CNIH3: variants seen among roughly 807,000 people sequenced by gnomAD.
CNIH3 encodes the protein protein cornichon homolog 3.
In CNIH3, 14 loss-of-function variants were observed where a neutral mutation model predicts 24.1. The ratio of observed to expected loss-of-function variants is 0.58; its 90% CI spans 0.38 to 0.91. The LOEUF (loss-of-function observed/expected upper bound fraction) is 0.91, where lower values mean the gene tolerates loss of function less well. Among genes scored for constraint, CNIH3 ranks in the 40% least tolerant of loss-of-function variants. The pLI is 0.00. For missense variants in CNIH3, 178 were observed against 196.8 expected (o/e 0.90, Z 0.57); for synonymous variants, 68 against 73.8 (o/e 0.92, Z 0.40).
At chr1:224,694,662 C>A (rs186652226) in intron 3 of CNIH3, among the ~76,000 whole-genome samples, 1 of 152,042 alleles carries the variant, frequency 6.6e-6, no homozygotes, top group Non-Finnish European at 1.5e-5. Context: ...TTTGTAATTG[C>A]AAAATTATGG....
At chr1:224,648,793 A>C (rs897254761) in intron 1 of CNIH3, among the ~76,000 whole-genome samples, 8 of 152,296 alleles carry the variant, frequency 5.3e-5, no homozygotes, top group African/African-American at 1.9e-4. Flanking sequence ...TCTAGTCTGC[A>C]GTCAGATTAG....
Position 224,684,938 on chromosome 1 carries a change from C to T in CNIH3, c.198+95C>T. ...CTAGTGAGGCTCTGCCTGCTCCAGTCCTGTCCACCAGGGAGGCAAATGGTG... is the reference window on the plus strand; with the variant it reads ...CTAGTGAGGCTCTGCCTGCTCCAGTTCTGTCCACCAGGGAGGCAAATGGTG... On this transcript the variant is annotated intron_variant, in intron 3 of 5. Coordinates refer to ENST00000272133, the MANE Select transcript of CNIH3 (RefSeq NM_152495.2). The surrounding 1 kb of genome is among the most constrained non-coding windows in gnomAD (Gnocchi z 4.2). The T allele has an allele frequency of 1.6e-6, 2 of 1,216,120 alleles. No homozygotes were observed. Among genetic ancestry groups the T allele is most frequent in the South Asian group, 2.4e-5 (2 of 82,780 alleles). The allele number at this position is 1,216,120 out of a possible 1,614,324, so 75.3% of individuals were successfully genotyped here.
chr1:224,538,663 C>CTCT (rs1553264652), downstream of CNIH3, among the ~76,000 whole-genome samples: 4 of 139,780 alleles, frequency 2.9e-5, no homozygotes, highest in African/African-American at 1.1e-4. Flanking sequence ...CTCTCTCTCT[C>CTCT]TTTTTTTTTT....
chr1:224,541,277 T>C (rs1172505999), downstream of CNIH3, among the ~76,000 whole-genome samples: 1 of 152,180 alleles, frequency 6.6e-6, no homozygotes, highest in East Asian at 1.9e-4. Flanking sequence ...ACTTTCTAAT[T>C]TGATGTTACT....
intron 4 of CNIH3, among the ~76,000 whole-genome samples, chr1:224,576,270 G>A (rs911339288): frequency 1.3e-5 from 2 of 152,078 alleles, no homozygotes; most frequent in African/African-American, 2.4e-5. Context: ...CAATATACAT[G>A]GGAGTATCCA....
intron 3 of CNIH3, among the ~76,000 whole-genome samples, chr1:224,702,837 C>T (rs1687574905): frequency 6.6e-6 from 1 of 152,188 alleles, no homozygotes; most frequent in African/African-American, 2.4e-5. Context: ...TCTTTCCCCT[C>T]TCTTCCCTTC....
At chr1:224,489,718 A>T (rs1339625448) in intron 1 of CNIH3, among the ~76,000 whole-genome samples, 1 of 152,198 alleles carries the variant, frequency 6.6e-6, no homozygotes, top group African/African-American at 2.4e-5. Flanking sequence ...CTGTAACAAA[A>T]CACCATAGAC....
At chr1:224,599,729 GTTGAA>G (rs1359973916) in intron 3 of CNIH3, among the ~76,000 whole-genome samples, 2 of 151,928 alleles carry the variant, frequency 1.3e-5, no homozygotes, top group Non-Finnish European at 2.9e-5. Flanking sequence ...TTTATTGATT[GTTGAA>G]TTAAATGATT....
chr1:224,583,357 G>A (rs912942365), intron 5 of CNIH3: 4 of 152,390 alleles, frequency 2.6e-5, no homozygotes, highest in African/African-American at 9.6e-5. Flanking sequence ...GGAATGTCAT[G>A]AATCCCAGCT....
intron 3 of CNIH3, among the ~76,000 whole-genome samples, chr1:224,725,882 C>T (rs1688997373): frequency 6.6e-6 from 1 of 152,136 alleles, no homozygotes. Flanking sequence ...CCCTGATGCC[C>T]CTCTCCACCA....
intron 1 of CNIH3, among the ~76,000 whole-genome samples, chr1:224,442,931 C>G (rs1018166358): frequency 6.6e-6 from 1 of 152,114 alleles, no homozygotes; most frequent in African/African-American, 2.4e-5. Context: ...TATGAAACTT[C>G]GGCTCCTCAC....
intron 3 of CNIH3, among the ~76,000 whole-genome samples, chr1:224,597,683 C>T (rs905017423): frequency 2.6e-5 from 4 of 152,256 alleles, no homozygotes; most frequent in Admixed American, 6.5e-5. Context: ...CCATACCTTC[C>T]CTGTGCATCT....
chr1:224,713,853 C>A (rs1473983889), intron 3 of CNIH3, among the ~76,000 whole-genome samples: 2 of 152,144 alleles, frequency 1.3e-5, no homozygotes, highest in Non-Finnish European at 2.9e-5. Flanking sequence ...TCTCATTCTG[C>A]CACTTAGGCT....
chr1:224,440,023 C>T (rs1168704869), intron 1 of CNIH3, among the ~76,000 whole-genome samples: 6 of 152,318 alleles, frequency 3.9e-5, no homozygotes, highest in African/African-American at 9.6e-5. Context: ...CTCCTGACCT[C>T]GTGATCTGCC....
At chr1:224,590,617 T>C (rs1002131896), downstream of CNIH3, among the ~76,000 whole-genome samples, 1 of 152,170 alleles carries the variant, frequency 6.6e-6, no homozygotes, top group African/African-American at 2.4e-5. Flanking sequence ...AAACTTGCAG[T>C]CTTAAGCCCT....
intron 3 of CNIH3, among the ~76,000 whole-genome samples, chr1:224,716,847 G>T (rs898092774): frequency 3.3e-5 from 5 of 152,140 alleles, no homozygotes; most frequent in Admixed American, 2.6e-4. Context: ...GAAAGGACGG[G>T]AAGTGCTGTC....
intron 3 of CNIH3, among the ~76,000 whole-genome samples, chr1:224,698,800 C>T (rs570228462): frequency 3.9e-5 from 6 of 152,190 alleles, no homozygotes; most frequent in Non-Finnish European, 7.3e-5. Flanking sequence ...GGTTCACTTG[C>T]GGAACTCTGC....
intron 1 of CNIH3, among the ~76,000 whole-genome samples, chr1:224,481,515 G>A (rs1208459440): frequency 6.6e-6 from 1 of 152,198 alleles, no homozygotes; most frequent in Non-Finnish European, 1.5e-5. Context: ...ACTCATAGAG[G>A]TATAACCTTG....
In CNIH3 at chr1:224,458,257, G is replaced by T. The variant is rs750634643; in HGVS notation, n.203+23395G>T. On this transcript the variant is annotated intron_variant and non_coding_transcript_variant, in intron 1 of 5. Coordinates refer to the CNIH3 transcript ENST00000471578. This position sits in a 1 kb window ranked among gnomAD's most constrained non-coding sequence, Gnocchi z 4.3. ...ATCGTGTGGCTAGGGTGCCAAAGCC[G>T]AGAAAGGTCCCGTAGTCCCTGTGTG... is the stretch of plus-strand genomic sequence containing the variant. Among the ~76,000 whole-genome samples, 1 of 152,190 alleles carries T rather than the reference G, an allele frequency of 6.6e-6. No individual in the cohort carries two copies. Among genetic ancestry groups the T allele is most frequent in the African/African-American group, 2.4e-5 (1 of 41,434 alleles).
Sources: allele counts gnomAD v4.1 joint callset (sites outside exome capture counted in the v4.1 genomes callset), GRCh38; gene constraint gnomAD v4.1.1; non-coding constraint Gnocchi (gnomAD v3.1); transcripts MANE v1.5; gene names NCBI Gene and HGNC (gene_info 2026-07-23, HGNC 2026-07-21).